STXBP6: variants seen among roughly 807,000 people sequenced by gnomAD.
STXBP6 encodes syntaxin-binding protein 6.
A neutral mutation model predicts 26.9 loss-of-function variants in STXBP6; 21 were observed. That is an observed-to-expected ratio of 0.78 (90% CI 0.55 to 1.12). STXBP6 has a LOEUF of 1.12. Among genes scored for constraint, STXBP6 ranks in the 50% most tolerant of loss-of-function variants. STXBP6 has a pLI of 0.00. For synonymous variants in STXBP6, 97 were observed against 92.6 expected, an observed-to-expected ratio of 1.05 and a Z score of -0.27; for missense variants, 232 against 257.9, an observed-to-expected ratio of 0.90 and a Z score of 0.69.
intron 1 of STXBP6, among the ~76,000 whole-genome samples, chr14:25,005,030 A>G (rs1566554835): frequency 6.6e-6 from 1 of 152,228 alleles, no homozygotes. Flanking sequence ...AGTATTAGTC[A>G]GGAAAGACTA....
intron 1 of STXBP6, among the ~76,000 whole-genome samples, chr14:24,991,010 GGAGA>G (rs1004302063): frequency 6.6e-6 from 1 of 151,042 alleles, no homozygotes; most frequent in African/African-American, 2.4e-5. Flanking sequence ...GAGAGTAGGA[GGAGA>G]GAGAAAGAGA....
intron 1 of STXBP6, among the ~76,000 whole-genome samples, chr14:25,039,629 C>G (rs1392916721): frequency 6.6e-6 from 1 of 152,150 alleles, no homozygotes; most frequent in East Asian, 1.9e-4. Context: ...AAGGATTAGC[C>G]CTCTTCATTT....
chr14:24,851,977 GCTGTGAT>G (rs1464314528), intron 4 of STXBP6, among the ~76,000 whole-genome samples: 1 of 152,104 alleles, frequency 6.6e-6, no homozygotes, highest in African/African-American at 2.4e-5. Flanking sequence ...GAGAGATATG[GCTGTGAT>G]CTGAGTCATG....
At chr14:24,891,451 C>T (rs1351201991) in intron 2 of STXBP6, among the ~76,000 whole-genome samples, 1 of 152,164 alleles carries the variant, frequency 6.6e-6, no homozygotes, top group South Asian at 2.1e-4. Context: ...TAGTAAATAC[C>T]ACAATTTCAT....
At chr14:24,899,053 C>T (rs908819156) in intron 2 of STXBP6, among the ~76,000 whole-genome samples, 19 of 152,170 alleles carry the variant, frequency 1.2e-4, no homozygotes, top group Non-Finnish European at 2.8e-4. Flanking sequence ...CTAATGCTGC[C>T]TTGGTCTTTC....
chr14:24,919,148 T>G (rs2071883702), intron 2 of STXBP6, among the ~76,000 whole-genome samples: 1 of 152,078 alleles, frequency 6.6e-6, no homozygotes, highest in Non-Finnish European at 1.5e-5. Flanking sequence ...CTTTGTTTTT[T>G]AACACTTATG....
intron 1 of STXBP6, among the ~76,000 whole-genome samples, chr14:24,976,777 T>C (rs1376819834): frequency 1.3e-5 from 2 of 149,978 alleles, no homozygotes; most frequent in African/African-American, 4.9e-5. Context: ...AGAAAGCCAG[T>C]GGTAGCACAG....
At chr14:24,920,933 T>C (rs201047362) in intron 2 of STXBP6, among the ~76,000 whole-genome samples, 1 of 152,012 alleles carries the variant, frequency 6.6e-6, no homozygotes, top group East Asian at 1.9e-4. Context: ...ACTGAGATAA[T>C]GCAACCCAAG....
chr14:24,895,483 G>T (rs901891751), intron 2 of STXBP6, among the ~76,000 whole-genome samples: 1 of 152,180 alleles, frequency 6.6e-6, no homozygotes, highest in Non-Finnish European at 1.5e-5. Context: ...TTTCTCTTCT[G>T]TTAAGAGCTC....
chr14:24,946,295 T>G (rs1024057254), intron 2 of STXBP6, among the ~76,000 whole-genome samples: 1 of 152,192 alleles, frequency 6.6e-6, no homozygotes, highest in Non-Finnish European at 1.5e-5. Context: ...CCCCTAACAC[T>G]TATTGATCAT....
At chr14:24,850,796 A>T (rs854318) in intron 4 of STXBP6, among the ~76,000 whole-genome samples, 3 of 152,116 alleles carry the variant, frequency 2.0e-5, no homozygotes, top group African/African-American at 7.2e-5. Flanking sequence ...GAAGGATGAC[A>T]TACAACAGGT....
intron 2 of STXBP6, among the ~76,000 whole-genome samples, chr14:24,879,386 C>T (rs767884770): frequency 2.3e-4 from 35 of 152,098 alleles, no homozygotes; most frequent in South Asian, 4.1e-4. Context: ...AAAGCTTTTC[C>T]GGTAATCCAT....
At position 24,968,879 on chromosome 14, in the gene STXBP6, A is replaced by T. The variant is rs1174011044; in HGVS notation, c.154+5786T>A. ...ACAACCCAGAGCATACCCCAGGAAA[A>T]CAGTAAAACTTCTCAACCTTATCTT... is the stretch of plus-strand genomic sequence containing the variant. On this transcript the variant is annotated intron_variant, in intron 2 of 5. Transcript: ENST00000323944. Among the ~76,000 whole-genome samples, 5 of 152,314 alleles carry T rather than the reference A, an allele frequency of 3.3e-5. No individual in the cohort carries two copies. The East Asian group carries it at 9.6e-4, about 29-fold the overall frequency.
At chr14:24,895,771 C>T (rs80284217) in intron 2 of STXBP6, among the ~76,000 whole-genome samples, 1,765 of 152,288 alleles carry the variant, frequency 0.012, 39 homozygotes, top group African/African-American at 0.04. Flanking sequence ...GGGCTGACAT[C>T]CCTCCCTTCC....
At chr14:24,970,525 G>C (rs888940533) in intron 2 of STXBP6, among the ~76,000 whole-genome samples, 4 of 151,714 alleles carry the variant, frequency 2.6e-5, no homozygotes, top group African/African-American at 9.7e-5. Flanking sequence ...ACATGCTTTT[G>C]AGATTCATCC....
chr14:24,978,124 A>G (rs752797629), intron 1 of STXBP6, among the ~76,000 whole-genome samples: 1 of 152,272 alleles, frequency 6.6e-6, no homozygotes, highest in African/African-American at 2.4e-5. Context: ...GGGTACTGTC[A>G]TAACTTCATA....
intron 2 of STXBP6, among the ~76,000 whole-genome samples, chr14:24,859,705 G>A (rs1009439429): frequency 7.2e-5 from 11 of 152,100 alleles, no homozygotes; most frequent in African/African-American, 2.7e-4. Flanking sequence ...ATATCATAGA[G>A]CTGCATGCTA....
chr14:24,931,819 A>AGGT (rs527880309), intron 2 of STXBP6, among the ~76,000 whole-genome samples: 177 of 152,286 alleles, frequency 1.2e-3, no homozygotes, highest in South Asian at 9.1e-3. Context: ...GTGATCCAGG[A>AGGT]GGTGGTACTG....
chr14:24,810,817 CT>C lies in STXBP6; in HGVS notation c.*1891del, dbSNP rs1940822988. 1 of 151,400 alleles carries C rather than the reference CT, an allele frequency of 6.6e-6. No individual in the cohort carries two copies. Among genetic ancestry groups the C allele is most frequent in the African/African-American group, 2.4e-5 (1 of 41,128 alleles). The allele number at this position is 151,400 out of a possible 1,614,324, so 9.4% of individuals were successfully genotyped here. ...TTATCCTTTCAATTATTTATACCAA[CT>C]CTCTATCTCTGAAACCAGAATCCAA... On this transcript the variant is annotated 3_prime_UTR_variant, in exon 6 of 6. Transcript: ENST00000323944.
Sources: gnomAD v4.1 joint callset for allele counts (sites outside exome capture counted in the v4.1 genomes callset) on GRCh38, gnomAD v4.1.1 for gene constraint, MANE v1.5 for transcripts, NCBI Gene and HGNC (gene_info 2026-07-23, HGNC 2026-07-21) for gene names.